Variants in MICAL3 observed in about 807,000 individuals in gnomAD.
The protein encoded by MICAL3 is [F-actin]-monooxygenase MICAL3.
In MICAL3, 62 loss-of-function variants were observed where a neutral mutation model predicts 207.4. The ratio of observed to expected loss-of-function variants is 0.30; its 90% CI spans 0.24 to 0.37. The LOEUF (loss-of-function observed/expected upper bound fraction) is 0.37. MICAL3 is among the 10% of genes least tolerant of loss of function. The pLI, the probability that MICAL3 is intolerant of heterozygous loss-of-function variation, is 1.00. For missense variants in MICAL3, 2,368 were observed against 2,635.6 expected (o/e 0.90, Z 2.22); for synonymous variants, 1,077 against 1,069.3 (o/e 1.01, Z -0.14).
chr22:17,871,988 TC>T lies in MICAL3; in HGVS notation c.2276del (p.Gly759GlufsTer15). The T allele has an allele frequency of 6.2e-7, 1 of 1,610,010 alleles. No homozygotes were observed. Among genetic ancestry groups the T allele is most frequent in the Non-Finnish European group, 8.5e-7 (1 of 1,178,466 alleles). ...SMKKEFPQNL[G>X]GSDTCYFCQK... ...GGCAGAAGTAGCATGTGTCGCTGCC[TC>T]CCAGGTTCTGCGGGAACTCCTTCTT... is the stretch of plus-strand genomic sequence containing the variant. On this transcript the variant is annotated frameshift_variant, in exon 17 of 32. Coordinates refer to ENST00000441493, the MANE Select transcript of MICAL3 (RefSeq NM_015241.3). LOFTEE classifies it high-confidence loss of function.
intron 1 of MICAL3, among the ~76,000 whole-genome samples, chr22:18,023,677 G>C (rs893411039): frequency 1.3e-5 from 2 of 152,240 alleles, no homozygotes; most frequent in African/African-American, 4.8e-5. Context: ...CACACGCCCG[G>C]GAGCTGCGCC....
intron 16 of MICAL3, among the ~76,000 whole-genome samples, chr22:17,874,494 T>G (rs1176386647): frequency 6.6e-6 from 1 of 152,068 alleles, no homozygotes; most frequent in African/African-American, 2.4e-5. Context: ...TCTCCTGAAC[T>G]AAACCATCTG....
chr22:17,894,633 C>T (rs1176112699), intron 10 of MICAL3, among the ~76,000 whole-genome samples: 1 of 151,476 alleles, frequency 6.6e-6, no homozygotes, highest in Non-Finnish European at 1.5e-5. Flanking sequence ...CCCATCTCTA[C>T]TAAAAATACA....
At chr22:17,948,895 A>T (rs986898617) in intron 1 of MICAL3, among the ~76,000 whole-genome samples, 1 of 122,090 alleles carries the variant, frequency 8.2e-6, no homozygotes, top group African/African-American at 3.4e-5. Flanking sequence ...CCTGGGTGAC[A>T]AAGTGAGATG....
At chr22:18,014,986 C>CAAAAAA (rs10689117) in intron 1 of MICAL3, among the ~76,000 whole-genome samples, 34 of 140,568 alleles carry the variant, frequency 2.4e-4, no homozygotes, top group African/African-American at 9.0e-4. Context: ...GACTCCATCT[C>CAAAAAA]AAAAAAAAAA....
intron 29 of MICAL3, among the ~76,000 whole-genome samples, chr22:17,801,013 G>A (rs143596205): frequency 2.0e-5 from 3 of 152,264 alleles, no homozygotes; most frequent in Non-Finnish European, 2.9e-5. Context: ...GGCAGAACCC[G>A]AGAAGTCTTG....
At chr22:17,861,624 G>A (rs1363474701) in intron 19 of MICAL3, 9 of 985,296 alleles carry the variant, frequency 9.1e-6, no homozygotes, top group Non-Finnish European at 1.1e-5. Context: ...TCCTTTCTCT[G>A]CCTATTGTTC....
chr22:17,917,822 G>T (rs1172246043), intron 1 of MICAL3, among the ~76,000 whole-genome samples: 4 of 152,154 alleles, frequency 2.6e-5, no homozygotes, highest in Admixed American at 6.5e-5. Flanking sequence ...AGGGAAGAAG[G>T]CCCCGCCCCT....
At chr22:17,803,682 A>G in intron 29 of MICAL3, 1 of 243,372 alleles carries the variant, frequency 4.1e-6, no homozygotes, top group Non-Finnish European at 6.6e-6. Flanking sequence ...GAGCTGGAAA[A>G]GGGTCTGTGC....
At chr22:17,934,143 C>CACA (rs1301241608) in intron 1 of MICAL3, among the ~76,000 whole-genome samples, 1 of 152,176 alleles carries the variant, frequency 6.6e-6, no homozygotes. Context: ...CTGGCAGAGA[C>CACA]ACAACAACAA....
intron 20 of MICAL3, among the ~76,000 whole-genome samples, chr22:17,833,979 G>A (rs567220029): frequency 3.0e-4 from 46 of 152,304 alleles, no homozygotes; most frequent in Admixed American, 8.5e-4. Flanking sequence ...CCCTTTCCCT[G>A]TAACGAACCA....
chr22:17,980,746 T>A (rs1316020108), intron 1 of MICAL3: 5 of 448,344 alleles, frequency 1.1e-5, no homozygotes, highest in African/African-American at 9.8e-5. Flanking sequence ...ACAGTTTCCG[T>A]CTTATCATTC....
At chr22:17,980,936 C>T (rs1362432521) in intron 1 of MICAL3, 1 of 532,644 alleles carries the variant, frequency 1.9e-6, no homozygotes, top group Non-Finnish European at 3.9e-6. Flanking sequence ...CCACCAGTGC[C>T]CTGCACACTT....
At chr22:17,879,998 A>T (rs569148958) in intron 16 of MICAL3, among the ~76,000 whole-genome samples, 2 of 152,226 alleles carry the variant, frequency 1.3e-5, no homozygotes, top group Non-Finnish European at 2.9e-5. Context: ...TCATCCGAGG[A>T]GCCAGAAGCG....
rs1365511983 is a variant in MICAL3, at chr22:17,796,003, G to A, written c.5651-4702C>T. ...GAACAAAGATGCTGTCAAGCTTCTGGCAAATGGAAGTTTTTTGGTTTTTCT... is the reference window on the plus strand; with the variant it reads ...GAACAAAGATGCTGTCAAGCTTCTGACAAATGGAAGTTTTTTGGTTTTTCT... On this transcript the variant is annotated intron_variant, in intron 29 of 31. Coordinates refer to ENST00000441493, the MANE Select transcript of MICAL3 (RefSeq NM_015241.3). The surrounding 1 kb of genome is among the most constrained non-coding windows in gnomAD (Gnocchi z 4.4). 3.3e-5 allele frequency among the ~76,000 whole-genome samples: 5 copies of A among 152,216 alleles called. No individual in the cohort carries two copies. Among genetic ancestry groups the A allele is most frequent in the Non-Finnish European group, 7.3e-5 (5 of 68,036 alleles).
intron 1 of MICAL3, among the ~76,000 whole-genome samples, chr22:17,940,193 CT>C (rs1279749314): frequency 6.6e-6 from 1 of 152,248 alleles, no homozygotes; most frequent in African/African-American, 2.4e-5. Flanking sequence ...TTGGATACAA[CT>C]TCCAAAATAA....
chr22:17,863,183 A>G, intron 19 of MICAL3: 2 of 985,476 alleles, frequency 2.0e-6, no homozygotes, highest in Non-Finnish European at 2.4e-6. Context: ...TGGGAAAGTC[A>G]GCAAACCTGG....
At chr22:17,978,793 A>ACAGGTGTGAGCCACCG (rs1935771866) in intron 1 of MICAL3, among the ~76,000 whole-genome samples, 1 of 151,264 alleles carries the variant, frequency 6.6e-6, no homozygotes, top group Non-Finnish European at 1.5e-5. Flanking sequence ...TGCTGGGATT[A>ACAGGTGTGAGCCACCG]CAGGTGTGAG....
rs372785371 is a variant in MICAL3, at chr22:17,817,707, G to A, written c.4954C>T (p.Arg1652Cys). ...GKERRPDSPT[R>C]PTLRGSEEPT... ...TCCTCGGAGCCCCTGAGAGTGGGGC[G>A]TGTGGGGGAGTCAGGCCGGCGCTCC... Residue 1652 changes from arginine (R) to cysteine (C), a missense_variant, in exon 26 of 32, where the codon CGC (arginine) becomes TGC (cysteine). Physicochemically the swap from Arg to Cys is radical, Grantham distance 180 (BLOSUM62 -3). Coordinates refer to ENST00000441493, the MANE Select transcript of MICAL3 (RefSeq NM_015241.3). 4.6e-5 allele frequency: 73 copies of A among 1,598,008 alleles called. No individual in the cohort carries two copies. The highest frequency in any genetic ancestry group is 5.9e-5 in the Non-Finnish European group (69 of 1,173,456).
Sources: allele counts gnomAD v4.1 joint callset (sites outside exome capture counted in the v4.1 genomes callset), GRCh38; gene constraint gnomAD v4.1.1; non-coding constraint Gnocchi (gnomAD v3.1); transcripts MANE v1.5; gene names NCBI Gene and HGNC (gene_info 2026-07-23, HGNC 2026-07-21).